The following XRCC4 variants were observed in gnomAD, a reference collection of about 807,000 sequenced individuals.
The protein encoded by XRCC4 is X-ray repair cross complementing 4.
XRCC4 carries 28 observed loss-of-function variants against 39.1 expected under a neutral mutation model. That is an observed-to-expected ratio of 0.72 (90% confidence interval 0.53 to 0.98). The LOEUF is 0.98. XRCC4 is among the 50% of genes least tolerant of loss of function. The pLI is 0.00. For missense variants in XRCC4, 350 were observed against 376.4 expected, an observed-to-expected ratio of 0.93 and a Z score of 0.58; for synonymous variants, 123 against 126.4, an observed-to-expected ratio of 0.97 and a Z score of 0.18.
chr5:83,303,987 G>GA (rs5869177), intron 7 of XRCC4, among the ~76,000 whole-genome samples: 117,033 of 151,776 alleles, frequency 0.77, 46,264 homozygotes, highest in Non-Finnish European at 0.86. Context: ...TAGATAAACA[G>GA]AAAATCACAG....
intron 3 of XRCC4, among the ~76,000 whole-genome samples, chr5:83,146,507 T>C (rs1182306508): frequency 1.3e-5 from 2 of 152,174 alleles, no homozygotes; most frequent in Non-Finnish European, 2.9e-5. Context: ...AGAAAATAGA[T>C]TTCTCAAAAT....
intron 3 of XRCC4, among the ~76,000 whole-genome samples, chr5:83,143,409 G>A (rs145761946): frequency 1.3e-5 from 2 of 152,008 alleles, no homozygotes; most frequent in Non-Finnish European, 2.9e-5. Flanking sequence ...AATATCACAG[G>A]TATGCCATAA....
intron 3 of XRCC4, among the ~76,000 whole-genome samples, chr5:83,123,088 T>G (rs959549198): frequency 3.6e-4 from 55 of 152,280 alleles, no homozygotes; most frequent in African/African-American, 1.3e-3. Context: ...TCTATATTCT[T>G]GCTTATTTTC....
chr5:83,362,860 A>G, the XRCC4 span, among the ~76,000 whole-genome samples: 1 of 152,218 alleles, frequency 6.6e-6, no homozygotes, highest in Non-Finnish European at 1.5e-5. Flanking sequence ...TGAGGCCTTG[A>G]GGTTATACAC....
intron 3 of XRCC4, among the ~76,000 whole-genome samples, chr5:83,190,066 A>T: frequency 6.6e-6 from 1 of 152,304 alleles, no homozygotes; most frequent in Middle Eastern, 3.4e-3. Context: ...TCTGTCTCAA[A>T]AAAATAAAAT....
At chr5:83,086,666 G>A (rs1745196664) in intron 1 of XRCC4, among the ~76,000 whole-genome samples, 2 of 152,094 alleles carry the variant, frequency 1.3e-5, no homozygotes, top group South Asian at 2.1e-4. Context: ...CACAGTTGGT[G>A]TAACTTTTAT....
intron 3 of XRCC4, among the ~76,000 whole-genome samples, chr5:83,159,085 T>C (rs1169699939): frequency 1.3e-5 from 2 of 152,108 alleles, no homozygotes; most frequent in Non-Finnish European, 2.9e-5. Context: ...AATTCTGAGA[T>C]TAATGAACAG....
At position 83,254,081 on chromosome 5, in the gene XRCC4, GT is replaced by G. The variant is rs80017147; in HGVS notation, c.746-4436del. On this transcript the variant is annotated intron_variant, in intron 6 of 7. Coordinates refer to ENST00000396027, the MANE Select transcript of XRCC4 (RefSeq NM_003401.5). ...GTAAGTTAATTGGCAATCGTTTTTT[GT>G]TTTTTTTTTTTTCTTTTGTCTTCTA... 1.3e-3 allele frequency among the ~76,000 whole-genome samples: 151 copies of G among 117,774 alleles called. 1 individual carries two copies. The highest frequency in any genetic ancestry group is 0.012 in the East Asian group (51 of 4,134). 77.3% of individuals were successfully genotyped at this position (117,774 alleles called of 152,430 possible).
At chr5:83,179,232 T>C (rs899672463) in intron 3 of XRCC4, among the ~76,000 whole-genome samples, 6 of 152,230 alleles carry the variant, frequency 3.9e-5, no homozygotes, top group African/African-American at 1.4e-4. Context: ...TTCTTAGGTA[T>C]GTATCGAACA....
At chr5:83,289,843 G>A (rs1580470188) in intron 7 of XRCC4, among the ~76,000 whole-genome samples, 1 of 151,838 alleles carries the variant, frequency 6.6e-6, no homozygotes, top group African/African-American at 2.4e-5. Context: ...AAAGACCTGG[G>A]CATATTTCAC....
At chr5:83,181,778 T>C (rs776963049) in intron 3 of XRCC4, among the ~76,000 whole-genome samples, 1 of 152,166 alleles carries the variant, frequency 6.6e-6, no homozygotes, top group Non-Finnish European at 1.5e-5. Flanking sequence ...CCAGAACCAA[T>C]GAGCTTACAG....
intron 3 of XRCC4, among the ~76,000 whole-genome samples, chr5:83,155,340 TTC>T (rs1748908628): frequency 6.6e-6 from 1 of 152,180 alleles, no homozygotes; most frequent in African/African-American, 2.4e-5. Context: ...AGGAAGAATG[TTC>T]TTAGTTCTTA....
At chr5:83,170,426 C>G (rs1749669977) in intron 3 of XRCC4, among the ~76,000 whole-genome samples, 1 of 152,142 alleles carries the variant, frequency 6.6e-6, no homozygotes, top group Non-Finnish European at 1.5e-5. Flanking sequence ...TGTGACAGTT[C>G]TACCAACCCC....
chr5:83,307,815 C>A (rs1339255154), intron 7 of XRCC4, among the ~76,000 whole-genome samples: 1 of 152,178 alleles, frequency 6.6e-6, no homozygotes, highest in African/African-American at 2.4e-5. Context: ...ATGTATACAC[C>A]TGTTTACTAC....
At chr5:83,358,652 G>A (rs1757216190), downstream of XRCC4, among the ~76,000 whole-genome samples, 1 of 152,112 alleles carries the variant, frequency 6.6e-6, no homozygotes, top group African/African-American at 2.4e-5. Context: ...CCAGTAAATG[G>A]AATATAGACC....
At chr5:83,172,354 C>T (rs1440935164) in intron 3 of XRCC4, among the ~76,000 whole-genome samples, 1 of 152,066 alleles carries the variant, frequency 6.6e-6, no homozygotes, top group Non-Finnish European at 1.5e-5. Context: ...TCCCTAAAGA[C>T]CATTTTAAAC....
chr5:83,104,326 A>G (rs553106087), intron 1 of XRCC4, among the ~76,000 whole-genome samples: 2 of 152,200 alleles, frequency 1.3e-5, no homozygotes, highest in South Asian at 4.1e-4. Context: ...GGTCAATTTT[A>G]TCCTTTCTAA....
At chr5:83,186,222 G>A (rs1336431297) in intron 3 of XRCC4, among the ~76,000 whole-genome samples, 1 of 151,992 alleles carries the variant, frequency 6.6e-6, no homozygotes, top group Non-Finnish European at 1.5e-5. Flanking sequence ...AAGAAGCCAA[G>A]GAAAAAATCT....
At chr5:83,262,311 A>G (rs2112906584) in intron 7 of XRCC4, among the ~76,000 whole-genome samples, 1 of 152,266 alleles carries the variant, frequency 6.6e-6, no homozygotes, top group East Asian at 1.9e-4. Flanking sequence ...AAAGATATAC[A>G]CAAATAGTTT....
Sources: allele counts gnomAD v4.1 joint callset (sites outside exome capture counted in the v4.1 genomes callset), GRCh38; gene constraint gnomAD v4.1.1; transcripts MANE v1.5; gene names NCBI Gene and HGNC (gene_info 2026-07-23, HGNC 2026-07-21).